CDK5: variants seen among roughly 807,000 people sequenced by gnomAD.
The protein encoded by CDK5 is cyclin-dependent kinase 5.
In CDK5, 18 loss-of-function variants were observed where a neutral mutation model predicts 44.6. The observed-to-expected ratio is 0.40, with a 90% confidence interval of 0.28 to 0.60. The LOEUF (loss-of-function observed/expected upper bound fraction) is 0.60, where lower values mean the gene tolerates loss of function less well. CDK5 is among the 20% of genes least tolerant of loss of function. The probability of loss-of-function intolerance (pLI) is 0.38; values close to 1 mark genes in which losing one functional copy is unlikely to be tolerated. For missense variants in CDK5, 198 were observed against 368.1 expected, an observed-to-expected ratio of 0.54 and a Z score of 3.78; for synonymous variants, 143 against 152.8, an observed-to-expected ratio of 0.94 and a Z score of 0.47.
intron 7 of CDK5, 21 bp from the exon 8 acceptor site, chr7:151,055,394 A>G: frequency 6.3e-7 from 1 of 1,596,012 alleles, no homozygotes; most frequent in Non-Finnish European, 8.6e-7. Context: ...CCCCCCCCGA[A>G]AGGGACCTCC....
chr7:151,057,298 TGTGA>T lies in CDK5; in HGVS notation c.38-142_38-139del, dbSNP rs150593572. 6.4e-4 allele frequency: 481 copies of T among 755,846 alleles called. 4 individuals carry two copies. The African/African-American group carries it at 7.1e-3, about 11-fold the overall frequency. The allele number at this position is 755,846 out of a possible 1,614,324, so 46.8% of individuals were successfully genotyped here. On this transcript the variant is annotated intron_variant, in intron 1 of 11. Transcript: ENST00000485972. The surrounding 1 kb of genome is among the most constrained non-coding windows in gnomAD (Gnocchi z 5.2). ...AGGGTGAAGGTAGGTTGGTGAGCTT[TGTGA>T]GTGAGGATGTGGCAGGTGGGGAGGG...
chr7:151,057,317 G>GTT lies in CDK5; in HGVS notation c.38-158_38-157insAA. The GTT allele has an allele frequency of 1.4e-6, 1 of 693,812 alleles. No homozygotes were observed. The highest frequency in any genetic ancestry group is 2.1e-5 in the Admixed American group (1 of 47,666). The allele number at this position is 693,812 out of a possible 1,614,324, so 43.0% of individuals were successfully genotyped here. A position where few individuals can be genotyped will look rare whatever the true frequency, so the allele number is the denominator to read the frequency against. On this transcript the variant is annotated intron_variant, in intron 1 of 11. Transcript: ENST00000485972. The surrounding 1 kb of genome is among the most constrained non-coding windows in gnomAD (Gnocchi z 5.2). ...GAGCTTTGTGAGTGAGGATGTGGCAGGTGGGGAGGGAGGAGAAGGTGCCCA... is the reference window on the plus strand; with the variant it reads ...GAGCTTTGTGAGTGAGGATGTGGCAGTTGTGGGGAGGGAGGAGAAGGTGCCCA...
Position 151,054,265 on chromosome 7 carries a change from A to G in CDK5, c.739T>C (p.Ser247Pro), listed in dbSNP as rs998206886. The change falls in exon 11 of 12, where the codon TCC becomes CCC. Residue 247 changes from serine (S) to proline (P), a missense_variant. Physicochemically the swap from Ser to Pro is moderately conservative, Grantham distance 74. This residue lies in a region of CDK5 where 81 missense variants were observed against 102.1 expected (regional missense o/e 0.79). Transcript: ENST00000485972. The surrounding 1 kb of genome is among the most constrained non-coding windows in gnomAD (Gnocchi z 5.7). ...KPYPMYPATT[S>P]LVNVVPKLNA... ...AGTTTGGGCACGACGTTCACCAGGG[A>G]TGTTGTGGCCGGGTACATCGGATAG... 6.2e-7 allele frequency: 1 copy of G among 1,613,558 alleles called. No individual in the cohort carries two copies. Among genetic ancestry groups the G allele is most frequent in the Admixed American group, 1.7e-5 (1 of 59,962 alleles).
chr7:151,056,444 A>C lies in CDK5; in HGVS notation c.312+136T>G. On this transcript the variant is annotated intron_variant, in intron 5 of 11. Coordinates refer to ENST00000485972, the MANE Select transcript of CDK5 (RefSeq NM_004935.4). This position sits in a 1 kb window ranked among gnomAD's most constrained non-coding sequence, Gnocchi z 4.7. ...CTAAGACTGGAGACCCCTGGAGGAC[A>C]GAAACAGGGTTTTCTCATTCTCTAA... The C allele has an allele frequency of 1.3e-6, 1 of 749,744 alleles. No individual in the cohort carries two copies. The highest frequency in any genetic ancestry group is 2.7e-5 in the East Asian group (1 of 37,208). 46.4% of individuals were successfully genotyped at this position (749,744 alleles called of 1,614,324 possible).
chr7:151,055,219 C>A (rs769584607), intron 8 of CDK5, 58 bp downstream of exon 8: 5 of 1,571,460 alleles, frequency 3.2e-6, no homozygotes, highest in Admixed American at 1.7e-5. Context: ...ACCCTCCAGA[C>A]CCTATTTGTC....
Position 151,057,684 on chromosome 7 carries a change from G to T in CDK5, c.37+128C>A. 2.0e-6 allele frequency: 2 copies of T among 1,001,716 alleles called. No homozygotes were observed. Among genetic ancestry groups the T allele is most frequent in the Non-Finnish European group, 1.5e-6 (1 of 651,912 alleles). The allele number at this position is 1,001,716 out of a possible 1,614,324, so 62.1% of individuals were successfully genotyped here. On this transcript the variant is annotated intron_variant, in intron 1 of 11. Transcript: ENST00000485972. This position sits in a 1 kb window ranked among gnomAD's most constrained non-coding sequence, Gnocchi z 5.2. ...TCTGCACGGAGTGCTGAGCTAGGGG[G>T]CCAGGGCTGCAGCCGCTGCTGAGAT...
Position 151,057,679 on chromosome 7 carries a change from A to C in CDK5, c.37+133T>G. 1.1e-6 allele frequency: 1 copy of C among 934,688 alleles called. No individual in the cohort carries two copies. The highest frequency in any genetic ancestry group is 2.0e-5 in the Admixed American group (1 of 50,244). 57.9% of individuals were successfully genotyped at this position (934,688 alleles called of 1,614,324 possible). On this transcript the variant is annotated intron_variant, in intron 1 of 11. Transcript: ENST00000485972. This position sits in a 1 kb window ranked among gnomAD's most constrained non-coding sequence, Gnocchi z 5.2. ...TGGTGTCTGCACGGAGTGCTGAGCT[A>C]GGGGGCCAGGGCTGCAGCCGCTGCT... is the stretch of plus-strand genomic sequence containing the variant.
Position 151,055,828 on chromosome 7 carries a change from T to C in CDK5, c.333A>G (p.Leu111=). The C allele has an allele frequency of 6.2e-7, 1 of 1,609,790 alleles. No homozygotes were observed. Among genetic ancestry groups the C allele is most frequent in the Non-Finnish European group, 8.5e-7 (1 of 1,177,794 alleles). ...GGCTATGACAGAATCCCAGCCCTTT[T>C]AGTAGCTGGAAGAGGAATGACTGGG... ...EIVKSFLFQL[L]KGLGFCHSRN... Residue 111 remains leucine (L), a synonymous_variant, in exon 6 of 12, where the codon CTA becomes CTG. Transcript: ENST00000485972.
In CDK5 at chr7:151,054,077, G is replaced by C; in HGVS notation, c.811C>G (p.Pro271Ala). The C allele has an allele frequency of 6.2e-7, 1 of 1,601,930 alleles. No homozygotes were observed. Among genetic ancestry groups the C allele is most frequent in the Non-Finnish European group, 8.5e-7 (1 of 1,174,396 alleles). ...DLLQNLLKCN[P>A]VQRISAEEAL... Reference sequence around the variant, plus strand: ...TCTTCTGCTGAGATACGCTGGACAGGGTTACACTTCAGAAGGTTCTGGAGA... The same window carrying C: ...TCTTCTGCTGAGATACGCTGGACAGCGTTACACTTCAGAAGGTTCTGGAGA... The change falls in exon 12 of 12, where the codon CCT becomes GCT. Residue 271 changes from proline (P) to alanine (A), a missense_variant. Around this residue, in one of 4 missense-constraint regions of CDK5, gnomAD observed 81 missense variants for 102.1 expected, o/e 0.79. Transcript: ENST00000485972. The surrounding 1 kb of genome is among the most constrained non-coding windows in gnomAD (Gnocchi z 5.7).
In CDK5 at chr7:151,057,799, G is replaced by A; in HGVS notation, c.37+13C>T. The A allele has an allele frequency of 6.2e-7, 1 of 1,609,820 alleles. No individual in the cohort carries two copies. The highest frequency in any genetic ancestry group is 8.5e-7 in the Non-Finnish European group (1 of 1,178,078). ...AGAGGAGCTCTTGCAGGAACATCTC[G>A]AGATTCCATTACCTTCCCCAATCTT... On this transcript the variant is annotated intron_variant, in intron 1 of 11. Coordinates refer to ENST00000485972, the MANE Select transcript of CDK5 (RefSeq NM_004935.4). The surrounding 1 kb of genome is among the most constrained non-coding windows in gnomAD (Gnocchi z 5.2).
rs777107002 is a variant in CDK5, at chr7:151,054,194, C to G, written c.792+18G>C. Reference sequence around the variant, plus strand: ...CTGGGCAAGTGTCCTGACCCACCCTCTACCCCTGGTCACCTACCTGCAGCA... The same window carrying G: ...CTGGGCAAGTGTCCTGACCCACCCTGTACCCCTGGTCACCTACCTGCAGCA... On this transcript the variant is annotated intron_variant, in intron 11 of 11. Transcript: ENST00000485972. This position sits in a 1 kb window ranked among gnomAD's most constrained non-coding sequence, Gnocchi z 5.7. 11 of 1,608,012 alleles carry G rather than the reference C, an allele frequency of 6.8e-6. No individual in the cohort carries two copies. In the African/African-American group the frequency reaches 9.4e-5, roughly 14 times the overall value.
chr7:151,054,078 G>C lies in CDK5; in HGVS notation c.810C>G (p.Asn270Lys). ...CTTCTGCTGAGATACGCTGGACAGG[G>C]TTACACTTCAGAAGGTTCTGGAGAT... ...RDLLQNLLKC[N>K]PVQRISAEEA... The change falls in exon 12 of 12, where the codon AAC (asparagine) becomes AAG (lysine). Residue 270 changes from asparagine to lysine, a missense_variant. Physicochemically the swap from Asn to Lys is moderately conservative, Grantham distance 94. This residue lies in a region of CDK5 where 81 missense variants were observed against 102.1 expected (regional missense o/e 0.79). Coordinates refer to ENST00000485972, the MANE Select transcript of CDK5 (RefSeq NM_004935.4). This position sits in a 1 kb window ranked among gnomAD's most constrained non-coding sequence, Gnocchi z 5.7. 1 of 1,601,918 alleles carries C rather than the reference G, an allele frequency of 6.2e-7. No individual in the cohort carries two copies. The highest frequency in any genetic ancestry group is 8.5e-7 in the Non-Finnish European group (1 of 1,174,346).
chr7:151,057,856 G>A lies in CDK5; in HGVS notation c.-8C>T, dbSNP rs1385109956. On this transcript the variant is annotated 5_prime_UTR_variant, in exon 1 of 12. Transcript: ENST00000485972. This position sits in a 1 kb window ranked among gnomAD's most constrained non-coding sequence, Gnocchi z 5.2. ...TTTCTCGTATTTCTGCATCGCGGCG[G>A]CCGCGGGGACCCCTGCGGGCCCTCG... 4.3e-6 allele frequency: 7 copies of A among 1,609,434 alleles called. No individual in the cohort carries two copies. Among genetic ancestry groups the A allele is most frequent in the Non-Finnish European group, 5.1e-6 (6 of 1,178,146 alleles).
chr7:151,056,160 T>C lies in CDK5; in HGVS notation c.313-312A>G. On this transcript the variant is annotated intron_variant, in intron 5 of 11. Transcript: ENST00000485972. This position sits in a 1 kb window ranked among gnomAD's most constrained non-coding sequence, Gnocchi z 4.7. ...CTGATCTTCCCTTCCTGGCCGCATC[T>C]GAGTATGCACGCCGTGAACATCAAC... The C allele has an allele frequency of 1.9e-6, 1 of 522,630 alleles. No individual in the cohort carries two copies. The highest frequency in any genetic ancestry group is 2.6e-5 in the South Asian group (1 of 38,346). 32.4% of individuals were successfully genotyped at this position (522,630 alleles called of 1,614,324 possible).
chr7:151,055,264 C>A lies in CDK5; in HGVS notation c.580+13G>T. Reference sequence around the variant, plus strand: ...GGGAAAGAAGGTGCCTCTGCAACACCCCAGCACATCACCTGCAAAGATGCA... The same window carrying A: ...GGGAAAGAAGGTGCCTCTGCAACACACCAGCACATCACCTGCAAAGATGCA... On this transcript the variant is annotated intron_variant, in intron 8 of 11. Coordinates refer to ENST00000485972, the MANE Select transcript of CDK5 (RefSeq NM_004935.4). 1 of 1,609,354 alleles carries A rather than the reference C, an allele frequency of 6.2e-7. No homozygotes were observed. The highest frequency in any genetic ancestry group is 1.1e-5 in the South Asian group (1 of 90,962).
At position 151,056,226 on chromosome 7, in the gene CDK5, T is replaced by C; in HGVS notation, c.312+354A>G. The C allele has an allele frequency of 1.9e-6, 1 of 518,328 alleles. No homozygotes were observed. The highest frequency in any genetic ancestry group is 3.5e-6 in the Non-Finnish European group (1 of 289,424). 32.1% of individuals were successfully genotyped at this position (518,328 alleles called of 1,614,324 possible). ...TAGTATCATTCAGGACTGGCTCCCCTGGAACCTGGACCAAGGCATTTGGTC... is the reference window on the plus strand; with the variant it reads ...TAGTATCATTCAGGACTGGCTCCCCCGGAACCTGGACCAAGGCATTTGGTC... On this transcript the variant is annotated intron_variant, in intron 5 of 11. Transcript: ENST00000485972. The surrounding 1 kb of genome is among the most constrained non-coding windows in gnomAD (Gnocchi z 4.7).
chr7:151,057,889 G>A lies in CDK5; in HGVS notation c.-41C>T. 1 of 1,583,244 alleles carries A rather than the reference G, an allele frequency of 6.3e-7. No homozygotes were observed. Among genetic ancestry groups the A allele is most frequent in the South Asian group, 1.1e-5 (1 of 87,624 alleles). The stretch of plus-strand genomic sequence containing the variant: ...GACCCCTGCGGGCCCTCGGTTTTAA[G>A]ACTCTGGCCCCGGCGTTGCAGAGGA... On this transcript the variant is annotated 5_prime_UTR_variant, in exon 1 of 12. Coordinates refer to ENST00000485972, the MANE Select transcript of CDK5 (RefSeq NM_004935.4). The surrounding 1 kb of genome is among the most constrained non-coding windows in gnomAD (Gnocchi z 5.2).
chr7:151,056,885 A>G lies in CDK5; in HGVS notation c.194+23T>C, dbSNP rs369848852. 173 of 1,599,232 alleles carry G rather than the reference A, an allele frequency of 1.1e-4. No homozygotes were observed. In the African/African-American group the frequency reaches 2.0e-3, roughly 19 times the overall value. On this transcript the variant is annotated intron_variant, in intron 3 of 11. Coordinates refer to ENST00000485972, the MANE Select transcript of CDK5 (RefSeq NM_004935.4). The surrounding 1 kb of genome is among the most constrained non-coding windows in gnomAD (Gnocchi z 4.7). ...CCTCCCCCAAGCGGCCACACCGGCA[A>G]GGAGCACCCGCCTCCCGCACACCTG... is the stretch of plus-strand genomic sequence containing the variant.
At position 151,056,888 on chromosome 7, in the gene CDK5, A is replaced by T; in HGVS notation, c.194+20T>A. 1 of 1,599,956 alleles carries T rather than the reference A, an allele frequency of 6.3e-7. No homozygotes were observed. Among genetic ancestry groups the T allele is most frequent in the Non-Finnish European group, 8.5e-7 (1 of 1,173,532 alleles). ...CCCCCAAGCGGCCACACCGGCAAGG[A>T]GCACCCGCCTCCCGCACACCTGACG... On this transcript the variant is annotated intron_variant, in intron 3 of 11. Transcript: ENST00000485972. This position sits in a 1 kb window ranked among gnomAD's most constrained non-coding sequence, Gnocchi z 4.7.
Sources: allele counts gnomAD v4.1 joint callset, GRCh38; gene constraint gnomAD v4.1.1; regional missense constraint gnomAD v4.1.1; non-coding constraint Gnocchi (gnomAD v3.1); transcripts MANE v1.5; gene names NCBI Gene and HGNC (gene_info 2026-07-23, HGNC 2026-07-21).